Variants in JMY observed in about 807,000 individuals in gnomAD.
JMY encodes junction mediating and regulatory protein, p53 cofactor.
JMY carries 46 observed loss-of-function variants against 103.3 expected under a neutral mutation model. The observed-to-expected ratio is 0.45, with a 90% confidence interval of 0.35 to 0.57. The LOEUF is 0.57. JMY is among the 20% of genes least tolerant of loss of function. The probability of loss-of-function intolerance (pLI) is 0.00; values close to 1 mark genes in which losing one functional copy is unlikely to be tolerated. For synonymous variants in JMY, 526 were observed against 489.3 expected (o/e 1.07, Z -0.99); for missense variants, 1,238 against 1,255.2 (o/e 0.99, Z 0.21).
At chr5:79,285,910 G>A (rs1245009955) in intron 2 of JMY, among the ~76,000 whole-genome samples, 1 of 152,086 alleles carries the variant, frequency 6.6e-6, no homozygotes, top group Non-Finnish European at 1.5e-5. Flanking sequence ...ATAATTCCAC[G>A]TCAGGTAATT....
At chr5:79,300,459 C>A in intron 5 of JMY, 141 bp downstream of exon 5, 1 of 839,294 alleles carries the variant, frequency 1.2e-6, no homozygotes, top group South Asian at 2.1e-5. Flanking sequence ...TGATTTCTAG[C>A]ATTTATTGAG....
intron 1 of JMY, among the ~76,000 whole-genome samples, chr5:79,241,454 T>C (rs927871228): frequency 3.2e-4 from 48 of 152,252 alleles, no homozygotes; most frequent in African/African-American, 1.2e-3. Context: ...CAAAGGACAG[T>C]GTTTTTAAAA....
At chr5:79,290,081 A>C in intron 2 of JMY, 40 bp from the exon 3 acceptor site, 1 of 1,485,274 alleles carries the variant, frequency 6.7e-7, no homozygotes, top group Non-Finnish European at 9.1e-7. Context: ...GAGTAGAAGA[A>C]AGACTTGAAC....
chr5:79,289,972 A>G (rs963090430), intron 2 of JMY, 149 bp from the exon 3 acceptor site: 9 of 572,612 alleles, frequency 1.6e-5, no homozygotes, highest in Admixed American at 3.3e-5. Flanking sequence ...CTTCAGTATT[A>G]TTGTTAATTC....
chr5:79,242,857 C>T (rs947651706), intron 1 of JMY, among the ~76,000 whole-genome samples: 2 of 151,280 alleles, frequency 1.3e-5, no homozygotes, highest in Non-Finnish European at 2.9e-5. Context: ...TATCTCAGCT[C>T]ACTGCAACCT....
At position 79,240,389 on chromosome 5, in the gene JMY, C is replaced by T. The variant is rs1744696613; in HGVS notation, c.1032+2707C>T. 2.6e-5 allele frequency among the ~76,000 whole-genome samples: 4 copies of T among 151,840 alleles called. No homozygotes were observed. In the South Asian group the frequency reaches 8.3e-4, roughly 31 times the overall value. ...GTACTGGTGCAATCTCAGCTCACTGCAACCTCCACCTCCCGGGTTCAAGCA... is the reference window on the plus strand; with the variant it reads ...GTACTGGTGCAATCTCAGCTCACTGTAACCTCCACCTCCCGGGTTCAAGCA... On this transcript the variant is annotated intron_variant, in intron 1 of 10. Transcript: ENST00000396137.
chr5:79,279,101 A>T (rs1746036138), intron 2 of JMY, among the ~76,000 whole-genome samples: 1 of 152,208 alleles, frequency 6.6e-6, no homozygotes, highest in Admixed American at 6.5e-5. Context: ...TGGGAGGCTG[A>T]GGCAGGTGGA....
At position 79,251,926 on chromosome 5, in the gene JMY, C is replaced by T. The variant is rs184058996; in HGVS notation, c.1032+14244C>T. Among the ~76,000 whole-genome samples the T allele has an allele frequency of 6.0e-3, 911 of 152,240 alleles. 10 individuals are homozygous for T. Among genetic ancestry groups the T allele is most frequent in the African/African-American group, 0.021 (866 of 41,546 alleles). ...AGTAGCTGGGATTACAGGCATGTGC[C>T]ACCACGCCCGGCTAATTTTTTGTAT... On this transcript the variant is annotated intron_variant, in intron 1 of 10. Coordinates refer to ENST00000396137, the MANE Select transcript of JMY (RefSeq NM_152405.5).
chr5:79,308,933 T>G (rs1165993975), intron 7 of JMY, among the ~76,000 whole-genome samples: 1 of 152,186 alleles, frequency 6.6e-6, no homozygotes, highest in African/African-American at 2.4e-5. Context: ...TAAGTCTTTC[T>G]TCCTCTTCTT....
intron 1 of JMY, among the ~76,000 whole-genome samples, chr5:79,271,733 A>C (rs896632848): frequency 2.6e-5 from 4 of 152,168 alleles, no homozygotes; most frequent in African/African-American, 9.7e-5. Flanking sequence ...ATTATAACTT[A>C]ATGTACTTTG....
At chr5:79,247,756 A>G (rs975754728) in intron 1 of JMY, among the ~76,000 whole-genome samples, 29 of 151,556 alleles carry the variant, frequency 1.9e-4, no homozygotes, top group African/African-American at 6.8e-4. Flanking sequence ...AGGTTCAAGC[A>G]ATTCTCCTGC....
At chr5:79,251,765 T>A (rs187634805) in intron 1 of JMY, among the ~76,000 whole-genome samples, 34 of 152,062 alleles carry the variant, frequency 2.2e-4, no homozygotes, top group Admixed American at 5.9e-4. Context: ...ATTTTTATTT[T>A]TTTATTTTTA....
chr5:79,258,352 G>C (rs1745319370), intron 1 of JMY, among the ~76,000 whole-genome samples: 2 of 142,504 alleles, frequency 1.4e-5, no homozygotes, highest in South Asian at 4.6e-4. Context: ...CCTCTGGCTG[G>C]AGTACAGTGG....
chr5:79,274,005 A>G (rs936235597), intron 1 of JMY, among the ~76,000 whole-genome samples: 6 of 151,694 alleles, frequency 4.0e-5, no homozygotes, highest in Non-Finnish European at 7.4e-5. Flanking sequence ...TAATTTTTGT[A>G]TTTTTAGTAG....
intron 2 of JMY, among the ~76,000 whole-genome samples, chr5:79,283,895 C>A (rs546718524): frequency 6.6e-6 from 1 of 152,178 alleles, no homozygotes; most frequent in East Asian, 1.9e-4. Flanking sequence ...CTGGGTCTTA[C>A]CAAATTGACT....
In JMY at chr5:79,300,799, C is replaced by T; in HGVS notation, c.1817C>T (p.Ala606Val). 1.2e-6 allele frequency: 2 copies of T among 1,611,214 alleles called. No homozygotes were observed. Among genetic ancestry groups the T allele is most frequent in the South Asian group, 2.2e-5 (2 of 90,382 alleles). The change falls in exon 6 of 11, where the codon GCA becomes GTA. Residue 606 changes from alanine to valine, a missense_variant. By Grantham distance (64) the Ala-to-Val change is moderately conservative. Transcript: ENST00000396137. ...GAGCTGCAGAAACTTCAGCAGAAAG[C>T]ACGCCAGCTGGAAGCAAGACGTGGA... is the stretch of plus-strand genomic sequence containing the variant. ...REELQKLQQK[A>V]RQLEARRGRV...
At chr5:79,300,386 G>A (rs1205373626) in intron 5 of JMY, 68 bp downstream of exon 5, 7 of 1,384,176 alleles carry the variant, frequency 5.1e-6, no homozygotes, top group African/African-American at 4.4e-5. Context: ...TTATGGACTA[G>A]GTATGTTTCT....
chr5:79,272,343 T>G (rs1429986542), intron 1 of JMY, among the ~76,000 whole-genome samples: 2 of 152,192 alleles, frequency 1.3e-5, no homozygotes, highest in African/African-American at 4.8e-5. Context: ...AAGAGTTTAG[T>G]CCATTTATAT....
At chr5:79,268,344 GGTTGTTCCGCAT>G (rs1745644041) in intron 1 of JMY, among the ~76,000 whole-genome samples, 1 of 152,086 alleles carries the variant, frequency 6.6e-6, no homozygotes, top group Non-Finnish European at 1.5e-5. Flanking sequence ...AATGAGTTCT[GGTTGTTCCGCAT>G]CCTCTAGCAT....
Sources: gnomAD v4.1 joint callset for allele counts (sites outside exome capture counted in the v4.1 genomes callset) on GRCh38, gnomAD v4.1.1 for gene constraint, MANE v1.5 for transcripts, NCBI Gene and HGNC (gene_info 2026-07-23, HGNC 2026-07-21) for gene names.